The following R3HCC1L variants were observed in gnomAD, a reference collection of about 807,000 sequenced individuals.
R3HCC1L encodes the protein R3H domain and coiled-coil containing 1 like, also known as coiled-coil domain-containing protein R3HCC1L.
Under a neutral mutation model 59.9 loss-of-function variants are expected in R3HCC1L, and 51 were observed. The observed-to-expected ratio is 0.85, with a 90% CI of 0.68 to 1.07. R3HCC1L has a LOEUF of 1.07. R3HCC1L is among the 50% of genes least tolerant of loss of function. The pLI, the probability that R3HCC1L is intolerant of heterozygous loss-of-function variation, is 0.00. For synonymous variants in R3HCC1L, 322 were observed against 315.2 expected (o/e 1.02, Z -0.23); for missense variants, 965 against 933.0 (o/e 1.03, Z -0.45).
chr10:98,178,759 T>G (rs1044317942), intron 4 of R3HCC1L, among the ~76,000 whole-genome samples: 3 of 152,260 alleles, frequency 2.0e-5, no homozygotes, highest in Non-Finnish European at 1.5e-5. Flanking sequence ...TTTGTAGTTG[T>G]CCTTGAAGAG....
intron 2 of R3HCC1L, among the ~76,000 whole-genome samples, chr10:98,162,594 A>G (rs1847535609): frequency 6.6e-6 from 1 of 152,138 alleles, no homozygotes; most frequent in Admixed American, 6.5e-5. Flanking sequence ...CTGAGTATCC[A>G]CCATGTTCTG....
intron 4 of R3HCC1L, among the ~76,000 whole-genome samples, chr10:98,204,280 C>T (rs1852382565): frequency 6.6e-6 from 1 of 152,080 alleles, no homozygotes. Context: ...TGGTGGGCAC[C>T]TGTAATCCCA....
chr10:98,150,915 C>T (rs971779484), intron 1 of R3HCC1L, among the ~76,000 whole-genome samples: 19 of 152,098 alleles, frequency 1.2e-4, no homozygotes, highest in African/African-American at 4.1e-4. Context: ...AGAGATCCTA[C>T]GATGGTGGGA....
rs117062983 is a variant in R3HCC1L at position 98,219,492 on chromosome 10, T to A, written c.1785+9593T>A. Among the ~76,000 whole-genome samples, 14 of 152,326 alleles carry A rather than the reference T, an allele frequency of 9.2e-5. No individual in the cohort carries two copies. The East Asian group carries it at 1.5e-3, about 17-fold the overall frequency. On this transcript the variant is annotated intron_variant, in intron 5 of 9. Coordinates refer to ENST00000298999, the MANE Select transcript of R3HCC1L (RefSeq NM_001351015.2). ...TTATTCCTGTCATTTTATTGTTTTC[T>A]GTATCTTTTGTTTCTTTCTTCCTAT...
chr10:98,189,302 G>A (rs1850578130), intron 4 of R3HCC1L, among the ~76,000 whole-genome samples: 1 of 152,186 alleles, frequency 6.6e-6, no homozygotes, highest in African/African-American at 2.4e-5. Context: ...CATATGGGGT[G>A]AGGACAGCAT....
intron 4 of R3HCC1L, among the ~76,000 whole-genome samples, chr10:98,202,696 A>G (rs1237326971): frequency 6.6e-6 from 1 of 152,106 alleles, no homozygotes; most frequent in Non-Finnish European, 1.5e-5. Context: ...TACTAAAATT[A>G]TAAAAATGAG....
intron 4 of R3HCC1L, among the ~76,000 whole-genome samples, chr10:98,174,932 G>A (rs1377595244): frequency 6.6e-6 from 1 of 152,088 alleles, no homozygotes; most frequent in Non-Finnish European, 1.5e-5. Context: ...TTCCTCTGTA[G>A]TTCAAAATAA....
chr10:98,210,042 T>C (rs1242061271), intron 5 of R3HCC1L, 143 bp downstream of exon 5: 2 of 633,850 alleles, frequency 3.2e-6, no homozygotes, highest in African/African-American at 3.7e-5. Flanking sequence ...AAGAAGAGAA[T>C]ATCTGATAGA....
intron 4 of R3HCC1L, chr10:98,174,874 A>G (rs1214061090): frequency 6.6e-6 from 5 of 752,022 alleles, no homozygotes; most frequent in East Asian, 1.3e-4. Context: ...GATGTTCGTA[A>G]TGTTATTTGG....
At position 98,134,669 on chromosome 10, in the gene R3HCC1L, T is replaced by C. The variant is rs1359871458; in HGVS notation, c.-305T>C. ...CGGCGCGAGCGGAAGAGATAGAGCT[T>C]CGCGGAGACGGCGGAAGCGGAGAGC... On this transcript the variant is annotated 5_prime_UTR_variant, in exon 1 of 10. Transcript: ENST00000298999. The C allele has an allele frequency of 6.6e-6, 1 of 152,282 alleles. No homozygotes were observed. The highest frequency in any genetic ancestry group is 1.5e-5 in the Non-Finnish European group (1 of 68,110). 9.4% of individuals were successfully genotyped at this position (152,282 alleles called of 1,614,324 possible).
At chr10:98,164,350 A>G (rs1030902517) in intron 4 of R3HCC1L, among the ~76,000 whole-genome samples, 2 of 152,158 alleles carry the variant, frequency 1.3e-5, no homozygotes, top group Admixed American at 1.3e-4. Context: ...AAAAGAGAGG[A>G]ACAAGATTAT....
At chr10:98,151,098 C>G (rs758513039) in intron 1 of R3HCC1L, among the ~76,000 whole-genome samples, 1 of 152,162 alleles carries the variant, frequency 6.6e-6, no homozygotes, top group Non-Finnish European at 1.5e-5. Flanking sequence ...GAAACTGTCT[C>G]CTCCTCATTT....
In R3HCC1L at chr10:98,208,420, TAG is replaced by T. The variant is rs1853004238; in HGVS notation, c.309_310del (p.Arg103SerfsTer4). Reference sequence around the variant, plus strand: ...TGGACACATGCCTTCAAAAAACAAATAGAGTTTGTTCTAAGAGAGGAACCACT... The same window carrying T: ...TGGACACATGCCTTCAAAAAACAAATAGTTTGTTCTAAGAGAGGAACCACT... ...RMDTCLQKTN[R>X]VCSKRGTTES... On this transcript the variant is annotated frameshift_variant, in exon 5 of 10. Coordinates refer to ENST00000298999, the MANE Select transcript of R3HCC1L (RefSeq NM_001351015.2). LOFTEE classifies it high-confidence loss of function. 8.1e-6 allele frequency: 13 copies of T among 1,613,772 alleles called. No homozygotes were observed. Among genetic ancestry groups the T allele is most frequent in the Non-Finnish European group, 7.6e-6 (9 of 1,179,956 alleles).
intron 4 of R3HCC1L, among the ~76,000 whole-genome samples, chr10:98,205,843 T>C (rs1489897913): frequency 6.6e-6 from 1 of 152,200 alleles, no homozygotes; most frequent in Non-Finnish European, 1.5e-5. Context: ...AATAGAATCA[T>C]AGAATTTAGA....
chr10:98,176,248 G>A (rs1016168838), intron 4 of R3HCC1L, among the ~76,000 whole-genome samples: 5 of 152,110 alleles, frequency 3.3e-5, no homozygotes, highest in Non-Finnish European at 7.4e-5. Context: ...TTACTTTGGC[G>A]ATTCCAGTTC....
At chr10:98,235,269 C>G (rs577756956) in intron 7 of R3HCC1L, among the ~76,000 whole-genome samples, 156 bp from the exon 8 acceptor site, 1 of 152,190 alleles carries the variant, frequency 6.6e-6, no homozygotes, top group East Asian at 1.9e-4. Context: ...GATACCTGAT[C>G]TAAAATAATT....
chr10:98,142,925 A>T (rs1845295688), intron 1 of R3HCC1L, among the ~76,000 whole-genome samples: 1 of 151,872 alleles, frequency 6.6e-6, no homozygotes, highest in African/African-American at 2.4e-5. Flanking sequence ...ACAGAGTAAG[A>T]CTCTGTCTCC....
intron 5 of R3HCC1L, among the ~76,000 whole-genome samples, chr10:98,230,010 A>G (rs1313306576): frequency 2.6e-5 from 4 of 151,508 alleles, no homozygotes; most frequent in Non-Finnish European, 5.9e-5. Flanking sequence ...TTTTTGCATC[A>G]ATGTTCATCA....
chr10:98,232,991 T>A (rs1255589383), intron 6 of R3HCC1L, among the ~76,000 whole-genome samples: 2 of 152,186 alleles, frequency 1.3e-5, no homozygotes, highest in African/African-American at 4.8e-5. Flanking sequence ...GGATGACAGT[T>A]AATCTCTGCC....
Sources: gnomAD v4.1 joint callset for allele counts (sites outside exome capture counted in the v4.1 genomes callset) on GRCh38, gnomAD v4.1.1 for gene constraint, MANE v1.5 for transcripts, NCBI Gene and HGNC (gene_info 2026-07-23, HGNC 2026-07-21) for gene names.